Variants in COL4A4 observed in about 807,000 individuals in gnomAD.
COL4A4 encodes collagen type IV alpha 4 chain.
COL4A4 carries 105 observed loss-of-function variants against 192.9 expected under a neutral mutation model. That is an observed-to-expected ratio of 0.54 (90% CI 0.46 to 0.64). COL4A4 has a LOEUF of 0.64. COL4A4 is among the 30% of genes least tolerant of loss of function. The pLI is 0.00. For missense variants in COL4A4, 1,967 were observed against 2,169.3 expected (o/e 0.91, Z 1.85); for synonymous variants, 762 against 769.9 (o/e 0.99, Z 0.17).
chr2:227,083,326 C>A (rs1034642638), intron 22 of COL4A4, among the ~76,000 whole-genome samples: 2 of 152,166 alleles, frequency 1.3e-5, no homozygotes, highest in African/African-American at 2.4e-5. Flanking sequence ...CCCAAGGTTA[C>A]TTACCTAGTG....
chr2:227,131,938 G>A (rs1428858198), intron 4 of COL4A4, among the ~76,000 whole-genome samples: 9 of 152,352 alleles, frequency 5.9e-5, no homozygotes, highest in Non-Finnish European at 2.9e-5. Context: ...CTCCCCCAGA[G>A]CCGTGGAGGG....
intron 26 of COL4A4, among the ~76,000 whole-genome samples, 189 bp downstream of exon 26, chr2:227,062,341 T>A (rs776176879): frequency 2.2e-4 from 34 of 152,154 alleles, no homozygotes; most frequent in Non-Finnish European, 4.3e-4. Flanking sequence ...TCTGGAGTGT[T>A]CTCAAACCAG....
chr2:227,102,875 G>C, intron 14 of COL4A4, 27 bp from the exon 15 acceptor site: 1 of 1,566,354 alleles, frequency 6.4e-7, no homozygotes, highest in Non-Finnish European at 8.8e-7. Context: ...CATTTAGAGG[G>C]GTTCAAGCAA....
At chr2:227,114,532 G>T in intron 8 of COL4A4, 96 bp downstream of exon 8, 1 of 980,288 alleles carries the variant, frequency 1.0e-6, no homozygotes, top group Non-Finnish European at 1.7e-6. Context: ...TGTATTCAGG[G>T]ACATTTTGAA....
At chr2:226,999,968 C>A (rs1411839733), downstream of COL4A4, among the ~76,000 whole-genome samples, 1 of 152,160 alleles carries the variant, frequency 6.6e-6, no homozygotes, top group African/African-American at 2.4e-5. Flanking sequence ...GATGAAAATT[C>A]TAAAAACAAA....
the COL4A4 span, chr2:226,996,989 T>C: frequency 6.6e-6 from 1 of 152,312 alleles, no homozygotes; most frequent in East Asian, 1.9e-4. Flanking sequence ...TATTGTCTTA[T>C]CAATTTTTCC....
chr2:227,080,564 C>T lies in COL4A4; in HGVS notation c.1697-15G>A. ...TCCTTTGTGCCCTGGAAATAGAGGTCAAAAGATATTCAAGCTCTTATCAGC... is the reference window on the plus strand; with the variant it reads ...TCCTTTGTGCCCTGGAAATAGAGGTTAAAAGATATTCAAGCTCTTATCAGC... On this transcript the variant is annotated splice_polypyrimidine_tract_variant and intron_variant, in intron 23 of 47. Transcript: ENST00000396625. 1.2e-6 allele frequency: 2 copies of T among 1,602,876 alleles called. No homozygotes were observed. Among genetic ancestry groups the T allele is most frequent in the Non-Finnish European group, 1.7e-6 (2 of 1,170,112 alleles).
At chr2:227,104,127 T>TA (rs1251112435) in intron 12 of COL4A4, 75 bp from the exon 13 acceptor site, 1 of 1,226,714 alleles carries the variant, frequency 8.2e-7, no homozygotes, top group Non-Finnish European at 1.2e-6. Context: ...TGTATTGTGG[T>TA]ATAATGCTTC....
chr2:226,970,478 T>G, the COL4A4 span, among the ~76,000 whole-genome samples: 1 of 152,186 alleles, frequency 6.6e-6, no homozygotes, highest in Non-Finnish European at 1.5e-5. Flanking sequence ...CATCCTGGTT[T>G]GTGTGTGAAT....
At chr2:227,012,029 A>T in intron 45 of COL4A4, 152 bp downstream of exon 45, 1 of 712,312 alleles carries the variant, frequency 1.4e-6, no homozygotes, top group South Asian at 1.5e-5. Flanking sequence ...CTCTGTTCTC[A>T]TTGTTTCTGT....
chr2:227,094,383 T>C, intron 19 of COL4A4, 94 bp from the exon 20 acceptor site: 2 of 1,324,388 alleles, frequency 1.5e-6, no homozygotes, highest in East Asian at 2.5e-5. Flanking sequence ...GCTTAGGTTA[T>C]CGAATTTTTT....
At chr2:226,993,662 C>T in the COL4A4 span, among the ~76,000 whole-genome samples, 1 of 152,146 alleles carries the variant, frequency 6.6e-6, no homozygotes, top group Non-Finnish European at 1.5e-5. Context: ...AGGTATAATT[C>T]TCCCATGCTC....
In COL4A4 at chr2:227,045,827, T is replaced by G; in HGVS notation, c.3289+1648A>C. 3.9e-5 allele frequency among the ~76,000 whole-genome samples: 2 copies of G among 51,804 alleles called. 1 individual carries two copies. The highest frequency in any genetic ancestry group is 6.8e-5 in the Non-Finnish European group (2 of 29,570). The allele number at this position is 51,804 out of a possible 152,430, so 34.0% of individuals were successfully genotyped here. A position where few individuals can be genotyped will look rare whatever the true frequency, so the allele number is the denominator to read the frequency against. ...ATATATATATATATACACATATATA[T>G]ATATACACACATATATATATACACA... is the stretch of plus-strand genomic sequence containing the variant. On this transcript the variant is annotated intron_variant, in intron 35 of 47. Coordinates refer to ENST00000396625, the MANE Select transcript of COL4A4 (RefSeq NM_000092.5).
At chr2:227,047,371 G>A in intron 35 of COL4A4, 104 bp downstream of exon 35, 1 of 818,326 alleles carries the variant, frequency 1.2e-6, no homozygotes. Flanking sequence ...ATGCACAAAG[G>A]GGTAAGAAAA....
intron 22 of COL4A4, among the ~76,000 whole-genome samples, chr2:227,085,871 C>T (rs942841904): frequency 6.6e-6 from 1 of 152,202 alleles, no homozygotes; most frequent in Non-Finnish European, 1.5e-5. Flanking sequence ...CAGCCTGTGA[C>T]AGTTTGCGAC....
At chr2:226,975,454 C>T in the COL4A4 span, among the ~76,000 whole-genome samples, 9 of 152,238 alleles carry the variant, frequency 5.9e-5, no homozygotes, top group African/African-American at 2.2e-4. Flanking sequence ...GAGGGAGGGC[C>T]CCACTCCTAG....
the COL4A4 span, among the ~76,000 whole-genome samples, chr2:226,990,136 T>TTAA: frequency 6.6e-6 from 1 of 152,210 alleles, no homozygotes. Context: ...AAGTAAAGTG[T>TTAA]GGTTACTGTC....
At chr2:227,134,565 T>A (rs138324462) in intron 4 of COL4A4, among the ~76,000 whole-genome samples, 61 of 152,252 alleles carry the variant, frequency 4.0e-4, no homozygotes, top group African/African-American at 1.4e-3. Context: ...TGAGACTGAG[T>A]TCTAGAACTT....
chr2:227,130,773 C>T (rs2062402422), intron 4 of COL4A4, among the ~76,000 whole-genome samples: 1 of 152,198 alleles, frequency 6.6e-6, no homozygotes, highest in African/African-American at 2.4e-5. Context: ...GCCCCTGAAA[C>T]GTGCTTCCTG....
Sources: gnomAD v4.1 joint callset for allele counts (sites outside exome capture counted in the v4.1 genomes callset) on GRCh38, gnomAD v4.1.1 for gene constraint, MANE v1.5 for transcripts, NCBI Gene and HGNC (gene_info 2026-07-23, HGNC 2026-07-21) for gene names.